FAF1: variants seen among roughly 807,000 people sequenced by gnomAD.
FAF1 encodes the protein Fas associated factor 1, also known as FAS-associated factor 1.
In FAF1, 25 loss-of-function variants were observed where a neutral mutation model predicts 92.5. That is an observed-to-expected ratio of 0.27 (90% CI 0.20 to 0.38). FAF1 has a LOEUF of 0.38. FAF1 is among the 10% of genes least tolerant of loss of function. The pLI, the probability that FAF1 is intolerant of heterozygous loss-of-function variation, is 1.00. For missense variants in FAF1, 636 were observed against 793.3 expected (o/e 0.80, Z 2.38); for synonymous variants, 234 against 273.2 (o/e 0.86, Z 1.42).
Position 50,927,355 on chromosome 1 carries a change from T to G in FAF1, c.45+32412A>C, listed in dbSNP as rs1014469926. 1.1e-3 allele frequency among the ~76,000 whole-genome samples: 171 copies of G among 151,654 alleles called. 1 individual carries two copies. The highest frequency in any genetic ancestry group is 9.7e-4 in the Non-Finnish European group (66 of 67,842). ...CAGCACTTTGGGAGGCCGAGGCGGGTGGGTCACTTGAGGTCAGGAGTTCGA... is the reference window on the plus strand; with the variant it reads ...CAGCACTTTGGGAGGCCGAGGCGGGGGGGTCACTTGAGGTCAGGAGTTCGA... On this transcript the variant is annotated intron_variant, in intron 1 of 18. Transcript: ENST00000396153.
intron 12 of FAF1, among the ~76,000 whole-genome samples, chr1:50,573,648 G>C (rs1463124370): frequency 6.6e-6 from 1 of 151,986 alleles, no homozygotes; most frequent in Admixed American, 6.6e-5. Flanking sequence ...AAATTGGAGA[G>C]GTTCCAAAAA....
intron 1 of FAF1, among the ~76,000 whole-genome samples, chr1:50,905,045 C>T (rs1428359150): frequency 6.6e-6 from 1 of 152,084 alleles, no homozygotes; most frequent in Admixed American, 6.5e-5. Flanking sequence ...CAGCCCCCCA[C>T]CCCACAACAG....
At chr1:50,742,783 A>G (rs1045267876) in intron 5 of FAF1, among the ~76,000 whole-genome samples, 1 of 152,194 alleles carries the variant, frequency 6.6e-6, no homozygotes, top group Non-Finnish European at 1.5e-5. Flanking sequence ...TTGTTGATTT[A>G]CTCAGTCAGC....
intron 8 of FAF1, among the ~76,000 whole-genome samples, chr1:50,649,554 A>G (rs541572267): frequency 3.9e-5 from 6 of 152,334 alleles, no homozygotes; most frequent in Admixed American, 2.0e-4. Context: ...ATCCTAACAC[A>G]CGCCCAAAGA....
chr1:50,707,794 T>C (rs1304844530), intron 6 of FAF1, among the ~76,000 whole-genome samples: 1 of 152,192 alleles, frequency 6.6e-6, no homozygotes, highest in Non-Finnish European at 1.5e-5. Context: ...TATTGCATAA[T>C]GAATGGTGAA....
intron 7 of FAF1, among the ~76,000 whole-genome samples, chr1:50,661,429 A>T (rs1655371080): frequency 1.3e-5 from 2 of 152,228 alleles, no homozygotes; most frequent in Non-Finnish European, 2.9e-5. Context: ...AATGTTCAGT[A>T]ATCAGTGCTT....
chr1:50,679,199 T>C (rs916937167), intron 7 of FAF1, among the ~76,000 whole-genome samples: 6 of 152,080 alleles, frequency 3.9e-5, no homozygotes, highest in Non-Finnish European at 7.4e-5. Context: ...AAATTACTGA[T>C]GGAAAGCAAG....
At chr1:50,574,419 G>A (rs1432648409) in intron 12 of FAF1, among the ~76,000 whole-genome samples, 6 of 152,154 alleles carry the variant, frequency 3.9e-5, no homozygotes, top group Non-Finnish European at 4.4e-5. Flanking sequence ...TGGTTTTCCA[G>A]GTAAACATTT....
chr1:50,957,347 C>CTT (rs1188286312), intron 1 of FAF1, among the ~76,000 whole-genome samples: 7,426 of 104,134 alleles, frequency 0.071, 483 homozygotes, highest in South Asian at 0.22. Context: ...TTTTCATTTT[C>CTT]TTTTTTTTTT....
chr1:50,817,021 A>G (rs1195230429), intron 2 of FAF1, among the ~76,000 whole-genome samples: 1 of 151,916 alleles, frequency 6.6e-6, no homozygotes, highest in East Asian at 1.9e-4. Flanking sequence ...TGGGTTCTTC[A>G]CTCTGCTCCC....
intron 8 of FAF1, among the ~76,000 whole-genome samples, chr1:50,653,459 T>C (rs1234103690): frequency 1.3e-5 from 2 of 152,162 alleles, no homozygotes; most frequent in East Asian, 3.9e-4. Flanking sequence ...CAAGTGATCC[T>C]CCTGCTTTAG....
chr1:50,548,068 G>C (rs901595933), intron 13 of FAF1, among the ~76,000 whole-genome samples: 2 of 152,276 alleles, frequency 1.3e-5, no homozygotes, highest in Middle Eastern at 3.4e-3. Context: ...TCACTTTCCA[G>C]GGCCTGAATA....
intron 4 of FAF1, among the ~76,000 whole-genome samples, chr1:50,783,270 G>A (rs1661246671): frequency 6.6e-6 from 1 of 152,048 alleles, no homozygotes; most frequent in Non-Finnish European, 1.5e-5. Flanking sequence ...ATTAGGGCAT[G>A]TTACCGAACA....
chr1:50,871,222 A>G (rs1017907312), intron 1 of FAF1, among the ~76,000 whole-genome samples: 2 of 152,262 alleles, frequency 1.3e-5, no homozygotes, highest in Admixed American at 6.5e-5. Context: ...TCAAGGAAGG[A>G]AGTCATCTCC....
At chr1:50,618,969 C>T (rs1310520952) in intron 8 of FAF1, among the ~76,000 whole-genome samples, 2 of 152,080 alleles carry the variant, frequency 1.3e-5, no homozygotes, top group East Asian at 3.9e-4. Context: ...GTTAGCCAGG[C>T]TGGTCTCGAA....
chr1:50,510,247 T>C (rs574302861), intron 15 of FAF1, among the ~76,000 whole-genome samples: 8 of 151,546 alleles, frequency 5.3e-5, no homozygotes, highest in African/African-American at 1.7e-4. Context: ...ATATATCACA[T>C]AGCATCTGGG....
intron 13 of FAF1, 142 bp downstream of exon 13, chr1:50,566,935 C>T: frequency 1.9e-6 from 1 of 529,264 alleles, no homozygotes; most frequent in Non-Finnish European, 3.1e-6. Flanking sequence ...CATGTGTTAG[C>T]TGCAACGAGC....
chr1:50,809,782 C>G lies in FAF1; in HGVS notation c.115-8105G>C, dbSNP rs953613818. 3.5e-4 allele frequency among the ~76,000 whole-genome samples: 54 copies of G among 152,208 alleles called. 1 individual carries two copies. Among genetic ancestry groups the G allele is most frequent in the African/African-American group, 1.3e-3 (54 of 41,448 alleles). Reference sequence around the variant, plus strand: ...CTAACTCACTGTTTGAGGCCAGCATCATCCTGACACCAAAACCTGGCATAT... The same window carrying G: ...CTAACTCACTGTTTGAGGCCAGCATGATCCTGACACCAAAACCTGGCATAT... On this transcript the variant is annotated intron_variant, in intron 2 of 18. Coordinates refer to ENST00000396153, the MANE Select transcript of FAF1 (RefSeq NM_007051.3).
intron 6 of FAF1, among the ~76,000 whole-genome samples, chr1:50,713,208 G>A (rs1411857249): frequency 1.7e-5 from 2 of 119,202 alleles, no homozygotes; most frequent in African/African-American, 3.5e-5. Flanking sequence ...TTGATCTTCA[G>A]GGTCAAAAGG....
Sources: gnomAD v4.1 joint callset for allele counts (sites outside exome capture counted in the v4.1 genomes callset) on GRCh38, gnomAD v4.1.1 for gene constraint, MANE v1.5 for transcripts, NCBI Gene and HGNC (gene_info 2026-07-23, HGNC 2026-07-21) for gene names.